Variants in NFILZ observed in about 807,000 individuals in gnomAD.
NFILZ encodes the protein NFIL3 like protein.
At chr19:8,647,861 A>C (rs2146144857) in intron 3 of NFILZ, among the ~76,000 whole-genome samples, 1 of 134,132 alleles carries the variant, frequency 7.5e-6, no homozygotes, top group Non-Finnish European at 1.6e-5. Flanking sequence ...GGGGGAGGGC[A>C]GGGTGGGAGA....
chr19:8,640,564 G>C (rs1374856480), intron 3 of NFILZ, among the ~76,000 whole-genome samples: 1 of 152,022 alleles, frequency 6.6e-6, no homozygotes, highest in Non-Finnish European at 1.5e-5. Context: ...GCTGCTCCCG[G>C]GTGGGTAAGA....
chr19:8,668,824 G>T (rs1289753083), intron 3 of NFILZ, among the ~76,000 whole-genome samples: 2 of 152,128 alleles, frequency 1.3e-5, no homozygotes, highest in Non-Finnish European at 2.9e-5. Flanking sequence ...ATTTGGTCTC[G>T]AGTGGATAGT....
intron 3 of NFILZ, among the ~76,000 whole-genome samples, chr19:8,647,586 C>CA (rs2042944580): frequency 3.7e-4 from 54 of 147,682 alleles, no homozygotes; most frequent in South Asian, 1.8e-3. Flanking sequence ...ACCCCCCCCC[C>CA]CAAAAAAAGG....
chr19:8,633,878 C>CCTT (rs1555745800), intron 2 of NFILZ, among the ~76,000 whole-genome samples: 1 of 9,084 alleles, frequency 1.1e-4, no homozygotes, highest in Non-Finnish European at 2.3e-4. Context: ...AACTTTTCTC[C>CCTT]CTTCCTTCCT....
chr19:8,647,596 G>A (rs143771328), intron 3 of NFILZ, among the ~76,000 whole-genome samples: 2,500 of 148,826 alleles, frequency 0.017, 71 homozygotes, highest in African/African-American at 0.059. Flanking sequence ...CCAAAAAAAG[G>A]GAACGAGATC....
intron 3 of NFILZ, among the ~76,000 whole-genome samples, chr19:8,645,389 C>A (rs1555746999): frequency 6.6e-6 from 1 of 151,590 alleles, no homozygotes; most frequent in Non-Finnish European, 1.5e-5. Context: ...ATCCTCCTGC[C>A]TAGGCCTCCC....
intron 3 of NFILZ, among the ~76,000 whole-genome samples, chr19:8,641,239 A>C (rs1387236508): frequency 6.7e-6 from 1 of 150,174 alleles, no homozygotes; most frequent in African/African-American, 2.5e-5. Context: ...TTTTGTAGAG[A>C]TGGGGTCTCC....
Position 8,632,467 on chromosome 19 carries a change from T to C in NFILZ, c.-410-9T>C, listed in dbSNP as rs573908311. ...GTCATAAAGACCTTGCTGATAAAAC[T>C]GGTTGCAGTAAAGAAGCCGGCCCAA... On this transcript the variant is annotated splice_polypyrimidine_tract_variant and intron_variant, in intron 1 of 5. Transcript: ENST00000691075. The C allele has an allele frequency of 6.6e-6, 1 of 152,178 alleles. No individual in the cohort carries two copies. Among genetic ancestry groups the C allele is most frequent in the African/African-American group, 2.4e-5 (1 of 41,520 alleles). The allele number at this position is 152,178 out of a possible 1,614,324, so 9.4% of individuals were successfully genotyped here.
chr19:8,675,392 T>A (rs559337020), intron 4 of NFILZ, among the ~76,000 whole-genome samples: 1 of 152,184 alleles, frequency 6.6e-6, no homozygotes, highest in African/African-American at 2.4e-5. Flanking sequence ...TGTGAGAAAC[T>A]GGGCTGAGGC....
At chr19:8,663,722 T>TTGTGTGTG (rs879983007) in intron 3 of NFILZ, among the ~76,000 whole-genome samples, 2 of 10,812 alleles carry the variant, frequency 1.8e-4, no homozygotes, top group Admixed American at 9.1e-4. Context: ...GTGTGTGTGT[T>TTGTGTGTG]TGTGTGTGTG....
At chr19:8,667,743 A>G (rs6511829) in intron 3 of NFILZ, among the ~76,000 whole-genome samples, 84,624 of 151,480 alleles carry the variant, frequency 0.56, 25,835 homozygotes, top group African/African-American at 0.8. Context: ...ACGAGGTTTC[A>G]CCATGTTGGC....
chr19:8,653,038 T>TCTCTCTCCCTC, intron 3 of NFILZ, among the ~76,000 whole-genome samples: 1 of 90,502 alleles, frequency 1.1e-5, no homozygotes, highest in Non-Finnish European at 2.2e-5. Context: ...CTTTCTTTCT[T>TCTCTCTCCCTC]TCTCTCTCTC....
At chr19:8,638,671 G>C (rs1555746344) in intron 3 of NFILZ, 1 of 152,140 alleles carries the variant, frequency 6.6e-6, no homozygotes, top group African/African-American at 2.4e-5. Flanking sequence ...GTCACAGGGT[G>C]GTAGGGCTGC....
intron 3 of NFILZ, among the ~76,000 whole-genome samples, chr19:8,659,487 G>A (rs748111522): frequency 6.6e-6 from 1 of 152,032 alleles, no homozygotes; most frequent in Non-Finnish European, 1.5e-5. Context: ...CGGTGACTCC[G>A]AATGGTGGGA....
At chr19:8,673,321 A>C (rs372468536) in intron 3 of NFILZ, among the ~76,000 whole-genome samples, 12 of 151,078 alleles carry the variant, frequency 7.9e-5, no homozygotes, top group African/African-American at 3.0e-4. Flanking sequence ...GGCTCAGTGA[A>C]CTTGGACACC....
intron 2 of NFILZ, among the ~76,000 whole-genome samples, chr19:8,635,309 C>CAA (rs1183750509): frequency 3.0e-5 from 2 of 65,766 alleles, no homozygotes. Flanking sequence ...GACTCCATCT[C>CAA]AAAAAAAAAA....
Position 8,678,074 on chromosome 19 carries a change from AT to A in NFILZ, c.*440del, listed in dbSNP as rs2043122050. ...CATCCACCCATCTATTCATCCATCCATCAATCCATCCATCCATTCCATCCAT... is the reference window on the plus strand; with the variant it reads ...CATCCACCCATCTATTCATCCATCCACAATCCATCCATCCATTCCATCCAT... On this transcript the variant is annotated 3_prime_UTR_variant, in exon 6 of 6. Transcript: ENST00000691075. Among the ~76,000 whole-genome samples, 1 of 3,042 alleles carries A rather than the reference AT, an allele frequency of 3.3e-4. No individual in the cohort carries two copies. 2.0% of individuals were successfully genotyped at this position (3,042 alleles called of 152,430 possible).
chr19:8,649,604 G>A (rs543713950), intron 3 of NFILZ, among the ~76,000 whole-genome samples: 72 of 151,962 alleles, frequency 4.7e-4, no homozygotes, highest in Non-Finnish European at 7.6e-4. Flanking sequence ...TTCCATGAGC[G>A]CCTGTCTTGC....
At chr19:8,663,738 G>GTGTGTGTGTGTATGTGTGTGTA (rs1568423351) in intron 3 of NFILZ, among the ~76,000 whole-genome samples, 3,774 of 23,812 alleles carry the variant, frequency 0.16, 139 homozygotes, top group Non-Finnish European at 0.24. Flanking sequence ...GTGTGTGTGT[G>GTGTGTGTGTGTATGTGTGTGTA]TGTGTGTGTG....
Sources: allele counts gnomAD v4.1 joint callset (sites outside exome capture counted in the v4.1 genomes callset), GRCh38; gene constraint gnomAD v4.1.1; transcripts MANE v1.5; gene names NCBI Gene and HGNC (gene_info 2026-07-23, HGNC 2026-07-21).